Variants in MAF observed in about 807,000 individuals in gnomAD.
MAF encodes transcription factor Maf.
In MAF, 10 loss-of-function variants were observed where a neutral mutation model predicts 22.0. The ratio of observed to expected loss-of-function variants is 0.45; its 90% confidence interval spans 0.28 to 0.77. The LOEUF is 0.77. Among genes scored for constraint, MAF ranks in the 30% least tolerant of loss-of-function variants. The probability of loss-of-function intolerance (pLI) is 0.12; values close to 1 mark genes in which losing one functional copy is unlikely to be tolerated. For synonymous variants in MAF, 337 were observed against 255.8 expected, an observed-to-expected ratio of 1.32 and a Z score of -3.03; for missense variants, 544 against 548.4, an observed-to-expected ratio of 0.99 and a Z score of 0.08.
At chr16:79,383,771 C>T in the MAF span, among the ~76,000 whole-genome samples, 7 of 152,130 alleles carry the variant, frequency 4.6e-5, no homozygotes, top group Non-Finnish European at 7.3e-5. Flanking sequence ...CAGATGTGCT[C>T]ATTAAACCTG....
the MAF span, among the ~76,000 whole-genome samples, chr16:79,287,309 C>T: frequency 6.6e-6 from 1 of 152,202 alleles, no homozygotes; most frequent in Non-Finnish European, 1.5e-5. Context: ...TGCTGTTCAG[C>T]TAGGGGCAGA....
the MAF span, among the ~76,000 whole-genome samples, chr16:79,397,514 T>G: frequency 0.028 from 4,320 of 152,330 alleles, 86 homozygotes; most frequent in Non-Finnish European, 0.047. Flanking sequence ...AAAACCCAGC[T>G]GCCTGACTCT....
chr16:79,230,436 C>T, the MAF span, among the ~76,000 whole-genome samples: 2 of 152,152 alleles, frequency 1.3e-5, no homozygotes, highest in Non-Finnish European at 2.9e-5. Context: ...CGAAGCCCAG[C>T]CTAGACCCTG....
chr16:79,481,234 G>GT, the MAF span, among the ~76,000 whole-genome samples: 60,027 of 148,256 alleles, frequency 0.4, 12,552 homozygotes, highest in Middle Eastern at 0.48. Flanking sequence ...TTCCACAACA[G>GT]TTTTTTTTTT....
chr16:79,369,267 G>C, the MAF span, among the ~76,000 whole-genome samples: 1 of 152,144 alleles, frequency 6.6e-6, no homozygotes. Context: ...TATGTGCTGG[G>C]AGCTGGGTTA....
At chr16:79,486,318 G>A in the MAF span, among the ~76,000 whole-genome samples, 1 of 152,174 alleles carries the variant, frequency 6.6e-6, no homozygotes, top group East Asian at 1.9e-4. Flanking sequence ...TTTTCAAAAT[G>A]GTTATTTTCA....
At chr16:79,217,352 T>C in the MAF span, among the ~76,000 whole-genome samples, 11 of 152,200 alleles carry the variant, frequency 7.2e-5, no homozygotes, top group African/African-American at 2.7e-4. Flanking sequence ...TAGAAGCATA[T>C]ATACATTACA....
the MAF span, among the ~76,000 whole-genome samples, chr16:79,330,976 G>A: frequency 9.8e-4 from 149 of 152,262 alleles, no homozygotes; most frequent in African/African-American, 3.4e-3. Flanking sequence ...TGTGAGTGGC[G>A]AACAATGGTA....
chr16:79,551,689 T>G, the MAF span, among the ~76,000 whole-genome samples: 19 of 152,218 alleles, frequency 1.2e-4, no homozygotes, highest in Admixed American at 1.2e-3. Flanking sequence ...TCAATTTTTT[T>G]GAAGTCAAAA....
At chr16:79,375,091 A>C in the MAF span, among the ~76,000 whole-genome samples, 2 of 152,196 alleles carry the variant, frequency 1.3e-5, no homozygotes, top group Admixed American at 6.5e-5. Flanking sequence ...TGTAGAATGG[A>C]TGGAGGAATG....
chr16:79,417,363 G>C, the MAF span, among the ~76,000 whole-genome samples: 2 of 152,180 alleles, frequency 1.3e-5, no homozygotes, highest in Non-Finnish European at 1.5e-5. Flanking sequence ...TCTGCAACTT[G>C]GTGCCAAACA....
At position 79,598,783 on chromosome 16, in the gene MAF, A is replaced by T; in HGVS notation, c.1118+2T>A. On this transcript the variant is annotated splice_donor_variant, in intron 1 of 1. Coordinates refer to ENST00000326043, the MANE Select transcript of MAF (RefSeq NM_005360.5). LOFTEE classifies it high-confidence loss of function. Reference sequence around the variant, plus strand: ...CTAGCTGGAATCGCGTGTCAGACTCACATGAAAAACTCGGGAGAGGACGGG... The same window carrying T: ...CTAGCTGGAATCGCGTGTCAGACTCTCATGAAAAACTCGGGAGAGGACGGG... 6.2e-7 allele frequency: 1 copy of T among 1,613,720 alleles called. No homozygotes were observed. The highest frequency in any genetic ancestry group is 1.1e-5 in the South Asian group (1 of 91,022).
the MAF span, among the ~76,000 whole-genome samples, chr16:79,498,918 G>T: frequency 2.0e-5 from 3 of 152,128 alleles, no homozygotes; most frequent in Non-Finnish European, 4.4e-5. Context: ...TGACTCTTAG[G>T]AGAGTCTAGT....
chr16:79,438,010 A>G, the MAF span, among the ~76,000 whole-genome samples: 7 of 152,158 alleles, frequency 4.6e-5, no homozygotes, highest in Non-Finnish European at 8.8e-5. Context: ...CGGGGCTACT[A>G]CTGAGCATAT....
At chr16:79,545,880 G>A in the MAF span, among the ~76,000 whole-genome samples, 410 of 152,194 alleles carry the variant, frequency 2.7e-3, 2 homozygotes, top group Admixed American at 3.0e-3. Flanking sequence ...TGCTTAGAGA[G>A]TAGATTTTAA....
the MAF span, among the ~76,000 whole-genome samples, chr16:79,349,758 C>G: frequency 6.6e-6 from 1 of 152,206 alleles, no homozygotes; most frequent in Non-Finnish European, 1.5e-5. Context: ...CCTGTCTTGT[C>G]CAAGATCCTC....
chr16:79,347,178 C>T, the MAF span, among the ~76,000 whole-genome samples: 5 of 152,214 alleles, frequency 3.3e-5, no homozygotes, highest in African/African-American at 1.2e-4. Context: ...ACAGAACTTC[C>T]ATGAGAAAGA....
chr16:79,497,387 C>T, the MAF span, among the ~76,000 whole-genome samples: 5 of 152,330 alleles, frequency 3.3e-5, no homozygotes, highest in East Asian at 5.8e-4. Flanking sequence ...CCACTCCACC[C>T]GCCTGCTTCC....
At chr16:79,569,072 C>G in the MAF span, among the ~76,000 whole-genome samples, 3 of 152,140 alleles carry the variant, frequency 2.0e-5, no homozygotes, top group Non-Finnish European at 2.9e-5. Context: ...CTCATTCATT[C>G]GTAGCAACAA....
Sources: gnomAD v4.1 joint callset for allele counts (sites outside exome capture counted in the v4.1 genomes callset) on GRCh38, gnomAD v4.1.1 for gene constraint, MANE v1.5 for transcripts, NCBI Gene and HGNC (gene_info 2026-07-23, HGNC 2026-07-21) for gene names.